Variants in QTMAN observed in about 807,000 individuals in gnomAD.
The protein encoded by QTMAN is queuosine-tRNA mannosyltransferase.
At chr2:144,169,136 C>T in the QTMAN span, among the ~76,000 whole-genome samples, 1 of 152,032 alleles carries the variant, frequency 6.6e-6, no homozygotes, top group South Asian at 2.1e-4. Flanking sequence ...GTAAGCTACA[C>T]ATTATAATCA....
At chr2:144,206,322 T>C in the QTMAN span, among the ~76,000 whole-genome samples, 2 of 152,176 alleles carry the variant, frequency 1.3e-5, no homozygotes, top group African/African-American at 2.4e-5. Flanking sequence ...ATTTTTCATA[T>C]CTTTAAAAAT....
the QTMAN span, among the ~76,000 whole-genome samples, chr2:144,052,252 AG>A: frequency 2.6e-5 from 4 of 152,296 alleles, no homozygotes; most frequent in Non-Finnish European, 5.9e-5. Flanking sequence ...TGGGGCTGTG[AG>A]GTGATGAAAT....
At chr2:144,083,667 T>C in the QTMAN span, among the ~76,000 whole-genome samples, 2 of 152,312 alleles carry the variant, frequency 1.3e-5, no homozygotes, top group East Asian at 1.9e-4. Context: ...ATAATAATGA[T>C]GATTCTGAAA....
At chr2:144,059,044 C>T in the QTMAN span, among the ~76,000 whole-genome samples, 1 of 152,214 alleles carries the variant, frequency 6.6e-6, no homozygotes, top group Non-Finnish European at 1.5e-5. Flanking sequence ...TGCTGGCTCC[C>T]AGTATCCTAC....
At chr2:144,285,796 C>T in the QTMAN span, among the ~76,000 whole-genome samples, 1 of 152,012 alleles carries the variant, frequency 6.6e-6, no homozygotes, top group Non-Finnish European at 1.5e-5. Flanking sequence ...AATCTGAGGC[C>T]GGAAATAAGA....
the QTMAN span, among the ~76,000 whole-genome samples, chr2:144,278,563 A>ATGAGAAAT: frequency 6.9e-6 from 1 of 144,146 alleles, no homozygotes; most frequent in Non-Finnish European, 1.5e-5. Context: ...TTTTTAGCTG[A>ATGAGAAAT]TGAGAAATGG....
chr2:144,072,322 T>C, the QTMAN span, among the ~76,000 whole-genome samples: 1 of 152,192 alleles, frequency 6.6e-6, no homozygotes, highest in African/African-American at 2.4e-5. Context: ...AATCCCAGTG[T>C]AAAGGAGTGT....
the QTMAN span, among the ~76,000 whole-genome samples, chr2:144,027,723 C>T: frequency 6.6e-6 from 1 of 152,306 alleles, no homozygotes; most frequent in African/African-American, 2.4e-5. Context: ...GCTTTAAACA[C>T]ACACGCACAC....
At chr2:144,149,424 A>G in the QTMAN span, among the ~76,000 whole-genome samples, 6 of 152,174 alleles carry the variant, frequency 3.9e-5, no homozygotes, top group South Asian at 1.0e-3. Flanking sequence ...CAAACATGAC[A>G]TACTACAATC....
the QTMAN span, among the ~76,000 whole-genome samples, chr2:144,173,690 T>C: frequency 1.3e-5 from 2 of 152,200 alleles, no homozygotes; most frequent in Admixed American, 1.3e-4. Context: ...TGTTACAATT[T>C]GGATATGGTT....
chr2:144,317,668 A>G, the QTMAN span: 1 of 152,214 alleles, frequency 6.6e-6, no homozygotes, highest in Admixed American at 6.5e-5. Flanking sequence ...GCAATTTATG[A>G]GAACTCATCA....
chr2:144,298,938 A>G, the QTMAN span, among the ~76,000 whole-genome samples: 4 of 151,938 alleles, frequency 2.6e-5, no homozygotes, highest in Non-Finnish European at 5.9e-5. Flanking sequence ...TTAGCTTCTA[A>G]CCCCTGGTGG....
chr2:143,989,470 C>T, the QTMAN span, among the ~76,000 whole-genome samples: 1 of 152,116 alleles, frequency 6.6e-6, no homozygotes, highest in Non-Finnish European at 1.5e-5. Context: ...CTCCTCCAAT[C>T]ACCAGCCCTC....
chr2:143,987,473 A>G, the QTMAN span, among the ~76,000 whole-genome samples: 1 of 152,198 alleles, frequency 6.6e-6, no homozygotes, highest in Non-Finnish European at 1.5e-5. Flanking sequence ...TCCTCAGTGA[A>G]GCGTTGCCTG....
At chr2:144,252,070 T>C in the QTMAN span, among the ~76,000 whole-genome samples, 1 of 151,858 alleles carries the variant, frequency 6.6e-6, no homozygotes. Context: ...AATACAATTA[T>C]TTAATGGACA....
chr2:143,974,290 A>G, the QTMAN span, among the ~76,000 whole-genome samples: 1 of 152,228 alleles, frequency 6.6e-6, no homozygotes, highest in Non-Finnish European at 1.5e-5. Context: ...GATAATGTAA[A>G]TAATAAGCCT....
At chr2:144,246,466 G>A in the QTMAN span, among the ~76,000 whole-genome samples, 4 of 150,518 alleles carry the variant, frequency 2.7e-5, no homozygotes, top group African/African-American at 4.9e-5. Flanking sequence ...CCAGCTACTC[G>A]GGAGGCTGAG....
the QTMAN span, among the ~76,000 whole-genome samples, chr2:144,053,489 CAAT>C: frequency 6.6e-6 from 1 of 152,176 alleles, no homozygotes. Context: ...GCTGCTATGA[CAAT>C]AATAAGCATG....
chr2:144,048,491 G>A, the QTMAN span, among the ~76,000 whole-genome samples: 3 of 151,938 alleles, frequency 2.0e-5, no homozygotes, highest in South Asian at 6.2e-4. Context: ...CTGTGTGGAT[G>A]GTGATTAAAA....
Sources: gnomAD v4.1 joint callset for allele counts (sites outside exome capture counted in the v4.1 genomes callset) on GRCh38, gnomAD v4.1.1 for gene constraint, MANE v1.5 for transcripts, NCBI Gene and HGNC (gene_info 2026-07-23, HGNC 2026-07-21) for gene names.